The following SNTB1 variants were observed in gnomAD, a reference collection of about 807,000 sequenced individuals.
SNTB1 encodes syntrophin beta 1, also known as beta-1-syntrophin.
A neutral mutation model predicts 48.9 loss-of-function variants in SNTB1; 36 were observed. That is an observed-to-expected ratio of 0.74 (90% confidence interval 0.56 to 0.97). SNTB1 has a LOEUF of 0.97. Among genes scored for constraint, SNTB1 ranks in the 50% least tolerant of loss-of-function variants. The pLI, the probability that SNTB1 is intolerant of heterozygous loss-of-function variation, is 0.00. For missense variants in SNTB1, 786 were observed against 703.4 expected, an observed-to-expected ratio of 1.12 and a Z score of -1.33; for synonymous variants, 299 against 294.6, an observed-to-expected ratio of 1.01 and a Z score of -0.15.
chr8:120,640,182 C>G (rs373553710), intron 2 of SNTB1, among the ~76,000 whole-genome samples: 16 of 151,936 alleles, frequency 1.1e-4, no homozygotes, highest in African/African-American at 3.1e-4. Flanking sequence ...CTCTGTTTGT[C>G]TGTTATTGGT....
At chr8:120,772,977 G>C (rs1007164514) in intron 1 of SNTB1, among the ~76,000 whole-genome samples, 1 of 152,194 alleles carries the variant, frequency 6.6e-6, no homozygotes, top group Non-Finnish European at 1.5e-5. Flanking sequence ...CAGATCACAG[G>C]AGGGAGGTAG....
intron 3 of SNTB1, among the ~76,000 whole-genome samples, chr8:120,578,350 C>G (rs959933272): frequency 3.3e-5 from 5 of 152,098 alleles, no homozygotes; most frequent in African/African-American, 7.2e-5. Context: ...TTATTTCAAG[C>G]CTTTGAAGAC....
rs374840129 is a variant in SNTB1, at chr8:120,551,701, G to A, written c.1137-2743C>T. Among the ~76,000 whole-genome samples, 14 of 133,002 alleles carry A rather than the reference G, an allele frequency of 1.1e-4. No homozygotes were observed. In the East Asian group the frequency reaches 2.6e-3, roughly 25 times the overall value. 87.3% of individuals were successfully genotyped at this position (133,002 alleles called of 152,430 possible). ...AGATCGCACCACTGCACTCCAGCCT[G>A]AGCGACAGAGTGAGACTCCATCTCA... On this transcript the variant is annotated intron_variant, in intron 4 of 6. Coordinates refer to ENST00000517992, the MANE Select transcript of SNTB1 (RefSeq NM_021021.4).
intron 1 of SNTB1, among the ~76,000 whole-genome samples, chr8:120,729,791 C>A (rs897264272): frequency 2.6e-5 from 4 of 152,198 alleles, no homozygotes; most frequent in African/African-American, 7.2e-5. Flanking sequence ...ATCGACCTCA[C>A]AGGATAGTGA....
At chr8:120,632,091 C>T (rs1470218575) in intron 3 of SNTB1, among the ~76,000 whole-genome samples, 1 of 152,204 alleles carries the variant, frequency 6.6e-6, no homozygotes. Flanking sequence ...ATAATTTTGA[C>T]TTCCTTGCCT....
Position 120,618,525 on chromosome 8 carries a change from T to C in SNTB1, c.996+13919A>G, listed in dbSNP as rs1306931784. 2.0e-5 allele frequency among the ~76,000 whole-genome samples: 3 copies of C among 152,316 alleles called. No individual in the cohort carries two copies. The East Asian group carries it at 5.8e-4, about 29-fold the overall frequency. On this transcript the variant is annotated intron_variant, in intron 3 of 6. Coordinates refer to ENST00000517992, the MANE Select transcript of SNTB1 (RefSeq NM_021021.4). ...CTACTTTCACTTGCTTGGCATATTG[T>C]ATGTGCTCAATAGTTACTTACAGAA...
Position 120,693,728 on chromosome 8 carries a change from A to G in SNTB1, c.752T>C (p.Val251Ala). Residue 251 changes from valine to alanine, a missense_variant, in exon 2 of 7, where the codon GTC becomes GCC. Transcript: ENST00000517992. ...GTCGGCCAAGGCCATACTCCGAGTG[A>G]CGTAGCACATTTTGAGGGGGATGCT... The part of the protein sequence containing the change: ...RKSIPLKMCY[V>A]TRSMALADPE... 6.2e-7 allele frequency: 1 copy of G among 1,614,006 alleles called. No homozygotes were observed. The highest frequency in any genetic ancestry group is 2.2e-5 in the East Asian group (1 of 44,878).
chr8:120,771,402 T>A (rs543328450), intron 1 of SNTB1, among the ~76,000 whole-genome samples: 2 of 152,240 alleles, frequency 1.3e-5, no homozygotes, highest in Non-Finnish European at 2.9e-5. Context: ...TCTGTTTCCA[T>A]GTGAAAATGA....
intron 2 of SNTB1, among the ~76,000 whole-genome samples, chr8:120,649,241 C>T (rs1353461077): frequency 2.0e-5 from 3 of 151,812 alleles, no homozygotes; most frequent in African/African-American, 4.8e-5. Context: ...AGGAGAGGCG[C>T]TCTGCTTTTT....
chr8:120,691,773 G>A (rs1233359901), intron 2 of SNTB1, among the ~76,000 whole-genome samples: 1 of 152,078 alleles, frequency 6.6e-6, no homozygotes, highest in African/African-American at 2.4e-5. Flanking sequence ...TGTAGGCTGG[G>A]TATACCATAG....
rs1375534724 is a variant in SNTB1, at chr8:120,715,753, T to TC, written c.572-21846dup. Reference sequence around the variant, plus strand: ...TGGTATTCTTCTCCTTTCCTTTTTTTCCCCCTCCTTGTTTCATTTATTGAG... The same window carrying TC: ...TGGTATTCTTCTCCTTTCCTTTTTTTCCCCCCTCCTTGTTTCATTTATTGAG... On this transcript the variant is annotated intron_variant, in intron 1 of 6. Transcript: ENST00000517992. Among the ~76,000 whole-genome samples the TC allele has an allele frequency of 1.4e-3, 206 of 152,254 alleles. 2 individuals carry two copies. The highest frequency in any genetic ancestry group is 4.7e-3 in the African/African-American group (196 of 41,526).
At chr8:120,558,598 G>A (rs1463745426) in intron 4 of SNTB1, among the ~76,000 whole-genome samples, 1 of 152,110 alleles carries the variant, frequency 6.6e-6, no homozygotes, top group Non-Finnish European at 1.5e-5. Context: ...TATCAGAGAG[G>A]GGCAACAGAA....
intron 1 of SNTB1, among the ~76,000 whole-genome samples, chr8:120,805,399 G>C (rs1030697223): frequency 6.6e-6 from 1 of 152,070 alleles, no homozygotes; most frequent in African/African-American, 2.4e-5. Context: ...TAATCACAAG[G>C]GTCCTTAAAA....
At chr8:120,673,286 T>C (rs1042285518) in intron 2 of SNTB1, among the ~76,000 whole-genome samples, 1 of 151,078 alleles carries the variant, frequency 6.6e-6, no homozygotes, top group Non-Finnish European at 1.5e-5. Flanking sequence ...TCCCATGCTT[T>C]TTTCTTTCTT....
intron 1 of SNTB1, among the ~76,000 whole-genome samples, chr8:120,725,065 T>A (rs1411638764): frequency 6.6e-6 from 1 of 152,162 alleles, no homozygotes; most frequent in African/African-American, 2.4e-5. Context: ...GCTCCTCAGC[T>A]CCTCTGCTTC....
intron 1 of SNTB1, among the ~76,000 whole-genome samples, chr8:120,810,346 C>T (rs781332243): frequency 1.3e-5 from 2 of 152,166 alleles, no homozygotes; most frequent in African/African-American, 4.8e-5. Flanking sequence ...GCCCTTCTCC[C>T]CCACATAACT....
chr8:120,723,445 T>C (rs1043050682), intron 1 of SNTB1, among the ~76,000 whole-genome samples: 1 of 152,222 alleles, frequency 6.6e-6, no homozygotes, highest in Non-Finnish European at 1.5e-5. Context: ...AAACGTGGCA[T>C]TTCTTCAGTG....
intron 1 of SNTB1, among the ~76,000 whole-genome samples, chr8:120,758,077 G>T (rs181544505): frequency 6.6e-6 from 1 of 152,178 alleles, no homozygotes; most frequent in African/African-American, 2.4e-5. Context: ...ACACATATTG[G>T]GCACTTACTA....
At chr8:120,626,594 C>T (rs544129607) in intron 3 of SNTB1, among the ~76,000 whole-genome samples, 2 of 151,982 alleles carry the variant, frequency 1.3e-5, no homozygotes, top group South Asian at 2.1e-4. Context: ...GTCTTCTCCT[C>T]ATCTAACTTA....
Sources: gnomAD v4.1 joint callset for allele counts (sites outside exome capture counted in the v4.1 genomes callset) on GRCh38, gnomAD v4.1.1 for gene constraint, MANE v1.5 for transcripts, NCBI Gene and HGNC (gene_info 2026-07-23, HGNC 2026-07-21) for gene names.